CSMD1: variants seen among roughly 807,000 people sequenced by gnomAD.
The protein encoded by CSMD1 is CUB and Sushi multiple domains 1, also known as CUB and sushi domain-containing protein 1.
CSMD1 carries 213 observed loss-of-function variants against 417.5 expected under a neutral mutation model. That is an observed-to-expected ratio of 0.51 (90% CI 0.46 to 0.57). The LOEUF (loss-of-function observed/expected upper bound fraction) is 0.57. Among genes scored for constraint, CSMD1 ranks in the 20% least tolerant of loss-of-function variants. CSMD1 has a pLI of 0.00. For missense variants in CSMD1, 6,923 were observed against 4,529.7 expected (o/e 1.53, Z -15.17); for synonymous variants, 2,862 against 1,736.8 (o/e 1.65, Z -16.11).
intron 3 of CSMD1, among the ~76,000 whole-genome samples, chr8:4,272,056 T>A (rs1326338896): frequency 6.6e-6 from 1 of 152,144 alleles, no homozygotes; most frequent in Non-Finnish European, 1.5e-5. Context: ...TAAGTAGACC[T>A]GTGTAGTTCA....
At chr8:4,092,517 A>T (rs1361104438) in intron 3 of CSMD1, among the ~76,000 whole-genome samples, 1 of 152,198 alleles carries the variant, frequency 6.6e-6, no homozygotes, top group Non-Finnish European at 1.5e-5. Flanking sequence ...AGGCATATTT[A>T]AAAAAAGAAT....
At chr8:3,401,479 G>T (rs558859574) in intron 15 of CSMD1, among the ~76,000 whole-genome samples, 1 of 152,070 alleles carries the variant, frequency 6.6e-6, no homozygotes, top group African/African-American at 2.4e-5. Flanking sequence ...TAACACTGCC[G>T]ATGAGCAAAA....
chr8:3,087,852 T>C (rs753172942), intron 48 of CSMD1, among the ~76,000 whole-genome samples: 1 of 152,252 alleles, frequency 6.6e-6, no homozygotes, highest in African/African-American at 2.4e-5. Context: ...ATAAAAGTGA[T>C]AGGGTACTGC....
At chr8:4,596,038 C>T (rs1476301622) in intron 2 of CSMD1, among the ~76,000 whole-genome samples, 1 of 152,190 alleles carries the variant, frequency 6.6e-6, no homozygotes, top group Admixed American at 6.5e-5. Context: ...GTTTGCCACA[C>T]TGCCCACAGC....
intron 3 of CSMD1, among the ~76,000 whole-genome samples, chr8:4,133,616 T>C (rs1471516113): frequency 6.6e-6 from 1 of 152,174 alleles, no homozygotes; most frequent in East Asian, 1.9e-4. Flanking sequence ...ATGCTAAGCA[T>C]TGTACTAGCA....
intron 5 of CSMD1, among the ~76,000 whole-genome samples, chr8:3,977,060 T>C (rs1813489335): frequency 6.6e-6 from 1 of 152,164 alleles, no homozygotes; most frequent in South Asian, 2.1e-4. Flanking sequence ...TTTTCTTGAA[T>C]TTCTTTTTCC....
chr8:4,495,002 G>A lies in CSMD1; in HGVS notation c.303-74937C>T, dbSNP rs575558973. Among the ~76,000 whole-genome samples the A allele has an allele frequency of 1.5e-3, 229 of 151,476 alleles. 1 individual carries two copies. The highest frequency in any genetic ancestry group is 5.2e-3 in the African/African-American group (215 of 41,268). On this transcript the variant is annotated intron_variant, in intron 2 of 69. Coordinates refer to ENST00000635120, the MANE Select transcript of CSMD1 (RefSeq NM_033225.6). ...AAAGAAAAGAAGTACTAAAGAGGGA[G>A]AAAATAAATAAAAGCAACAAGAGAT...
rs190114517 is a variant in CSMD1, at chr8:4,675,784, A to G, written c.86-38226T>C. Among the ~76,000 whole-genome samples, 373 of 152,288 alleles carry G rather than the reference A, an allele frequency of 2.4e-3. 5 individuals are homozygous for G. The highest frequency in any genetic ancestry group is 8.7e-3 in the African/African-American group (363 of 41,568). On this transcript the variant is annotated intron_variant, in intron 1 of 69. Coordinates refer to ENST00000635120, the MANE Select transcript of CSMD1 (RefSeq NM_033225.6). ...TTGTCAACAGTAAGCCTGTGTTTAC[A>G]TTCAGGTACTCTGTTTTCTTTGAAC... is the stretch of plus-strand genomic sequence containing the variant.
At chr8:3,988,587 C>T (rs1181086616) in intron 5 of CSMD1, among the ~76,000 whole-genome samples, 1 of 152,172 alleles carries the variant, frequency 6.6e-6, no homozygotes, top group Non-Finnish European at 1.5e-5. Flanking sequence ...AAAAGATCTC[C>T]AGTGAGTCCT....
intron 1 of CSMD1, among the ~76,000 whole-genome samples, chr8:4,750,167 G>A (rs545967353): frequency 1.1e-4 from 16 of 151,882 alleles, no homozygotes; most frequent in African/African-American, 1.5e-4. Context: ...CACCACGCCC[G>A]GCTAATTTTT....
At chr8:3,418,659 G>A (rs1813305770) in intron 12 of CSMD1, among the ~76,000 whole-genome samples, 1 of 152,076 alleles carries the variant, frequency 6.6e-6, no homozygotes, top group Non-Finnish European at 1.5e-5. Flanking sequence ...TGAGAAGCAG[G>A]TTTTCCAGTG....
chr8:3,503,697 T>C (rs946790401), intron 10 of CSMD1, among the ~76,000 whole-genome samples: 1 of 152,208 alleles, frequency 6.6e-6, no homozygotes, highest in African/African-American at 2.4e-5. Context: ...AGAAGCTGGA[T>C]GTCCCCCATC....
intron 21 of CSMD1, among the ~76,000 whole-genome samples, chr8:3,351,566 C>T (rs1246644892): frequency 6.8e-6 from 1 of 146,014 alleles, no homozygotes; most frequent in Admixed American, 7.0e-5. Context: ...AACTACATTT[C>T]AGCCTGGGCG....
intron 37 of CSMD1, among the ~76,000 whole-genome samples, chr8:3,175,475 C>CCTTTCCTT (rs1554451319): frequency 4.8e-4 from 64 of 132,562 alleles, no homozygotes; most frequent in African/African-American, 8.4e-4. Flanking sequence ...TCCTTCTTTT[C>CCTTTCCTT]CCTTCCTTCC....
At chr8:3,976,298 T>C (rs1262577389) in intron 5 of CSMD1, among the ~76,000 whole-genome samples, 2 of 150,628 alleles carry the variant, frequency 1.3e-5, no homozygotes, top group South Asian at 2.1e-4. Flanking sequence ...GTTATACTTA[T>C]CATTTTTTTC....
At chr8:4,392,681 G>C (rs879649213) in intron 3 of CSMD1, among the ~76,000 whole-genome samples, 1 of 151,456 alleles carries the variant, frequency 6.6e-6, no homozygotes, top group Non-Finnish European at 1.5e-5. Flanking sequence ...TTTTGAGATG[G>C]ACTGTGGGCT....
intron 2 of CSMD1, among the ~76,000 whole-genome samples, chr8:4,578,313 C>T (rs1799236643): frequency 7.0e-6 from 1 of 141,996 alleles, no homozygotes; most frequent in South Asian, 2.2e-4. Flanking sequence ...TTACAGGCAC[C>T]TGCCACGACA....
chr8:4,619,351 A>G (rs1368722809), intron 2 of CSMD1, among the ~76,000 whole-genome samples: 2 of 152,176 alleles, frequency 1.3e-5, no homozygotes, highest in Non-Finnish European at 2.9e-5. Context: ...GGGAATGTCA[A>G]TATTTAGCAT....
At chr8:4,789,412 T>A (rs1797577165) in intron 1 of CSMD1, among the ~76,000 whole-genome samples, 3 of 152,166 alleles carry the variant, frequency 2.0e-5, no homozygotes, top group Admixed American at 2.0e-4. Context: ...CACTCTCGTA[T>A]CTAATATTGA....
Sources: gnomAD v4.1 joint callset for allele counts (sites outside exome capture counted in the v4.1 genomes callset) on GRCh38, gnomAD v4.1.1 for gene constraint, MANE v1.5 for transcripts, NCBI Gene and HGNC (gene_info 2026-07-23, HGNC 2026-07-21) for gene names.